The following TAB3 variants were observed in gnomAD, a reference collection of about 807,000 sequenced individuals.
TAB3 encodes TGF-beta-activated kinase 1 and MAP3K7-binding protein 3.
A neutral mutation model predicts 48.1 loss-of-function variants in TAB3; 18 were observed. The observed-to-expected ratio is 0.37, with a 90% CI of 0.26 to 0.55. The LOEUF is 0.55. Ranked by LOEUF, TAB3 falls within the 20% of genes least tolerant of loss-of-function variation. The pLI is 0.78. For synonymous variants in TAB3, 185 were observed against 190.2 expected (o/e 0.97, Z 0.22); for missense variants, 414 against 549.8 (o/e 0.75, Z 2.47).
chrX:30,860,712 C>T (rs921439756), intron 4 of TAB3, among the ~76,000 whole-genome samples: 1 of 111,747 alleles, frequency 8.9e-6, no homozygotes, highest in Non-Finnish European at 1.9e-5. Flanking sequence ...AATCTTTTAC[C>T]TGATCCTGAT....
intron 1 of TAB3, among the ~76,000 whole-genome samples, chrX:30,875,630 T>C (rs761915996): frequency 8.9e-5 from 10 of 112,290 alleles, no homozygotes; most frequent in Middle Eastern, 4.6e-3. Flanking sequence ...CTAATTTCAA[T>C]AGCAATTAAG....
At chrX:30,888,294 G>A (rs1222265200) in intron 1 of TAB3, among the ~76,000 whole-genome samples, 1 of 112,536 alleles carries the variant, frequency 8.9e-6, no homozygotes, top group Non-Finnish European at 1.9e-5. Context: ...ATTGACAAAC[G>A]TCACTGAAGA....
At chrX:30,874,714 A>G (rs1287199782) in intron 1 of TAB3, among the ~76,000 whole-genome samples, 2 of 112,028 alleles carry the variant, frequency 1.8e-5, no homozygotes, top group East Asian at 2.8e-4. Flanking sequence ...CATTGACTCT[A>G]TTGCTGGAAA....
intron 7 of TAB3, among the ~76,000 whole-genome samples, chrX:30,849,635 C>CTCTT (rs1269495565): frequency 2.7e-5 from 3 of 112,094 alleles, no homozygotes. Context: ...TGCTATAATT[C>CTCTT]TCTTTTACAG....
chrX:30,883,972 A>G (rs904331071), intron 1 of TAB3, among the ~76,000 whole-genome samples: 5 of 111,647 alleles, frequency 4.5e-5, no homozygotes, highest in African/African-American at 1.6e-4. Context: ...GCAATTACTC[A>G]AATAATCTAG....
At chrX:30,864,813 T>A (rs1345745220) in intron 4 of TAB3, among the ~76,000 whole-genome samples, 1 of 110,958 alleles carries the variant, frequency 9.0e-6, no homozygotes, top group Admixed American at 9.6e-5. Context: ...GTTTTTTTTT[T>A]AAAGTTGAGC....
At chrX:30,868,567 TTATATA>T (rs759682694) in intron 2 of TAB3, among the ~76,000 whole-genome samples, 2 of 2,733 alleles carry the variant, frequency 7.3e-4, no homozygotes, top group Non-Finnish European at 9.5e-4. Context: ...TATATATAGC[TTATATA>T]TATATATATA....
At chrX:30,866,946 C>T (rs1481180432) in intron 4 of TAB3, among the ~76,000 whole-genome samples, 169 bp downstream of exon 4, 4 of 106,775 alleles carry the variant, frequency 3.7e-5, no homozygotes, top group African/African-American at 1.4e-4. Context: ...TCAAGGTCAA[C>T]ATCAACAGTG....
chrX:30,874,355 G>A (rs1259977520), intron 1 of TAB3, among the ~76,000 whole-genome samples: 4 of 112,172 alleles, frequency 3.6e-5, no homozygotes, highest in Non-Finnish European at 7.5e-5. Flanking sequence ...TGTTGTTTTA[G>A]AGATGTTAAA....
In TAB3 at chrX:30,868,657, C is replaced by T. The variant is rs5971523; in HGVS notation, c.-279-1108G>A. Among the ~76,000 whole-genome samples the T allele has an allele frequency of 3.1e-3, 252 of 80,104 alleles. 6 individuals are homozygous for T. The highest frequency in any genetic ancestry group is 0.011 in the African/African-American group (236 of 20,712). 69.6% of individuals were successfully genotyped at this position (80,104 alleles called of 115,157 possible). A position where few individuals can be genotyped will look rare whatever the true frequency, so the allele number is the denominator to read the frequency against. The stretch of plus-strand genomic sequence containing the variant: ...GAGACAGAGAGAGAGAGAATTGTAA[C>T]CTTATTCACTTATTTTGACAGATGA... On this transcript the variant is annotated intron_variant, in intron 2 of 10. Coordinates refer to ENST00000288422, the MANE Select transcript of TAB3 (RefSeq NM_152787.5).
In TAB3 at chrX:30,859,358, C is replaced by T; in HGVS notation, c.102+129G>A. ...AGTGCCAAGGTTGAGGGAAATCCTG[C>T]TCCACACACACACACACACACACAC... On this transcript the variant is annotated intron_variant, in intron 5 of 10. Transcript: ENST00000288422. The T allele has an allele frequency of 2.2e-5, 6 of 266,900 alleles. No homozygotes were observed. In the South Asian group the frequency reaches 3.1e-4, roughly 14 times the overall value. The allele number at this position is 266,900 out of a possible 1,213,427, so 22.0% of individuals were successfully genotyped here.
chrX:30,876,181 G>A (rs1200241298), intron 1 of TAB3, among the ~76,000 whole-genome samples: 3 of 111,878 alleles, frequency 2.7e-5, no homozygotes, highest in Admixed American at 1.9e-4. Context: ...GGTCTCTAAA[G>A]CTGAGATTTG....
intron 7 of TAB3, among the ~76,000 whole-genome samples, chrX:30,849,561 C>T (rs1042408165): frequency 8.9e-6 from 1 of 112,710 alleles, no homozygotes; most frequent in Non-Finnish European, 1.9e-5. Flanking sequence ...CTACTGTTCA[C>T]ATACTTCATG....
chrX:30,872,073 A>AT (rs1939678547), intron 1 of TAB3, among the ~76,000 whole-genome samples: 1 of 112,025 alleles, frequency 8.9e-6, no homozygotes, highest in African/African-American at 3.2e-5. Context: ...CTTTCCTGAG[A>AT]TTTTAGCTTC....
Position 30,854,940 on chromosome X carries a change from C to G in TAB3, c.725G>C (p.Arg242Thr). Reference sequence around the variant, plus strand: ...CCACGGCGTACTCTGAGGAGTTTGTCTTCCTGATGAACTCTGAGATGTCTG... The same window carrying G: ...CCACGGCGTACTCTGAGGAGTTTGTGTTCCTGATGAACTCTGAGATGTCTG... ...IRQTSQSSSG[R>T]QTPQSTPWQS... Residue 242 changes from arginine (R) to threonine (T), a missense_variant, in exon 6 of 11, where the codon AGA (arginine) becomes ACA (threonine). Physicochemically the swap from Arg to Thr is moderately conservative, Grantham distance 71 (BLOSUM62 -1). Transcript: ENST00000288422. The G allele has an allele frequency of 8.3e-7, 1 of 1,208,857 alleles. No homozygotes were observed. The highest frequency in any genetic ancestry group is 1.1e-6 in the Non-Finnish European group (1 of 893,869).
chrX:30,856,473 T>C (rs1332147621), intron 5 of TAB3, among the ~76,000 whole-genome samples: 2 of 112,155 alleles, frequency 1.8e-5, no homozygotes, highest in Non-Finnish European at 3.8e-5. Flanking sequence ...TAATTTATCA[T>C]AAAGCAGTTC....
At chrX:30,869,298 G>T (rs1939600899) in intron 2 of TAB3, among the ~76,000 whole-genome samples, 2 of 111,549 alleles carry the variant, frequency 1.8e-5, no homozygotes, top group South Asian at 7.5e-4. Flanking sequence ...GACCTCAGGA[G>T]ATCTGCCCAC....
rs549343700 is a variant in TAB3 at position 30,830,519 on chromosome X, G to C, written c.*908C>G. The C allele has an allele frequency of 8.9e-6, 1 of 112,217 alleles. No homozygotes were observed. Among genetic ancestry groups the C allele is most frequent in the Admixed American group, 9.5e-5 (1 of 10,570 alleles). The allele number at this position is 112,217 out of a possible 1,213,427, so 9.2% of individuals were successfully genotyped here. ...ACAGCTGAGCTCAAGATTTCCAAAT[G>C]GATTTTGGAATGGACTTGCATTTGG... On this transcript the variant is annotated 3_prime_UTR_variant, in exon 11 of 11. Coordinates refer to ENST00000288422, the MANE Select transcript of TAB3 (RefSeq NM_152787.5).
intron 2 of TAB3, among the ~76,000 whole-genome samples, chrX:30,868,374 ATATATATAT>A (rs1939503974): frequency 5.1e-5 from 1 of 19,612 alleles, no homozygotes; most frequent in Non-Finnish European, 6.8e-5. Context: ...TATATAGCTT[ATATATATAT>A]AGCTTATATA....
Sources: allele counts gnomAD v4.1 joint callset (sites outside exome capture counted in the v4.1 genomes callset), GRCh38; gene constraint gnomAD v4.1.1; transcripts MANE v1.5; gene names NCBI Gene and HGNC (gene_info 2026-07-23, HGNC 2026-07-21).